ITGA9: variants seen among roughly 807,000 people sequenced by gnomAD.
ITGA9 encodes the protein integrin alpha-9.
A neutral mutation model predicts 127.8 loss-of-function variants in ITGA9; 56 were observed. The observed-to-expected ratio is 0.44, with a 90% CI of 0.35 to 0.55. ITGA9 has a LOEUF of 0.55. ITGA9 is among the 20% of genes least tolerant of loss of function. The probability of loss-of-function intolerance (pLI) is 0.00; values close to 1 mark genes in which losing one functional copy is unlikely to be tolerated. For synonymous variants in ITGA9, 508 were observed against 514.5 expected, an observed-to-expected ratio of 0.99 and a Z score of 0.17; for missense variants, 1,196 against 1,347.1, an observed-to-expected ratio of 0.89 and a Z score of 1.76.
chr3:37,518,123 T>TGTGTGTGTG (rs1553643689), intron 10 of ITGA9, among the ~76,000 whole-genome samples: 4 of 151,846 alleles, frequency 2.6e-5, no homozygotes, highest in Non-Finnish European at 4.4e-5. Flanking sequence ...TGTGTGTGTC[T>TGTGTGTGTG]TGGGAGGCAT....
intron 17 of ITGA9, among the ~76,000 whole-genome samples, chr3:37,664,017 C>T (rs1700561710): frequency 6.6e-6 from 1 of 152,202 alleles, no homozygotes; most frequent in African/African-American, 2.4e-5. Flanking sequence ...TATTCTTATA[C>T]TCTTTTTACT....
intron 16 of ITGA9, among the ~76,000 whole-genome samples, chr3:37,647,453 G>GT (rs58911100): frequency 0.023 from 3,274 of 141,596 alleles, 41 homozygotes; most frequent in African/African-American, 0.031. Flanking sequence ...GCCTAACATA[G>GT]TTTTTTTTTT....
chr3:37,460,587 CTTT>C (rs10711884), intron 1 of ITGA9, among the ~76,000 whole-genome samples: 45 of 110,820 alleles, frequency 4.1e-4, no homozygotes, highest in African/African-American at 1.2e-3. Context: ...GTGCCCAAAT[CTTT>C]TTTTTTTTTT....
At chr3:37,517,406 C>A (rs377163255) in intron 9 of ITGA9, 98 bp from the exon 10 acceptor site, 16 of 909,342 alleles carry the variant, frequency 1.8e-5, no homozygotes, top group East Asian at 1.1e-4. Flanking sequence ...TGTGCTCTAG[C>A]AGGGCAGCAT....
chr3:37,665,225 T>G (rs908312298), intron 17 of ITGA9, among the ~76,000 whole-genome samples: 14 of 152,086 alleles, frequency 9.2e-5, no homozygotes, highest in African/African-American at 3.4e-4. Flanking sequence ...TCCACCCACC[T>G]TGGCCTCCCA....
chr3:37,571,988 T>C (rs1559539633), intron 15 of ITGA9, among the ~76,000 whole-genome samples: 1 of 151,988 alleles, frequency 6.6e-6, no homozygotes. Flanking sequence ...AATTCTGGGC[T>C]AGTGGGGATC....
At chr3:37,609,207 T>A (rs894623343) in intron 15 of ITGA9, among the ~76,000 whole-genome samples, 4 of 152,124 alleles carry the variant, frequency 2.6e-5, no homozygotes, top group Non-Finnish European at 5.9e-5. Flanking sequence ...CTGCTGCCCC[T>A]CACACCTGCC....
At chr3:37,565,857 G>A (rs1023060365) in intron 15 of ITGA9, among the ~76,000 whole-genome samples, 11 of 152,190 alleles carry the variant, frequency 7.2e-5, no homozygotes, top group African/African-American at 2.7e-4. Flanking sequence ...TGACTGGGTT[G>A]GGAGTGACGT....
At chr3:37,528,126 C>G (rs980914330) in intron 13 of ITGA9, among the ~76,000 whole-genome samples, 1 of 152,196 alleles carries the variant, frequency 6.6e-6, no homozygotes, top group Non-Finnish European at 1.5e-5. Flanking sequence ...GCTGAAGGTC[C>G]ATCATATAGA....
At chr3:37,721,114 CTTTT>C (rs35254377) in intron 18 of ITGA9, among the ~76,000 whole-genome samples, 222 of 93,222 alleles carry the variant, frequency 2.4e-3, no homozygotes, top group South Asian at 5.0e-3. Flanking sequence ...CTTTTCTTGC[CTTTT>C]TTTTTTTTTT....
rs1697294152 is a variant in ITGA9, at chr3:37,806,231, GAA to G, written c.3009+2292_3009+2293del. 6.6e-6 allele frequency: 1 copy of G among 152,370 alleles called. No homozygotes were observed. Among genetic ancestry groups the G allele is most frequent in the African/African-American group, 2.4e-5 (1 of 41,578 alleles). The allele number at this position is 152,370 out of a possible 1,614,324, so 9.4% of individuals were successfully genotyped here. On this transcript the variant is annotated intron_variant, in intron 27 of 27. Coordinates refer to ENST00000264741, the MANE Select transcript of ITGA9 (RefSeq NM_002207.3). This position sits in a 1 kb window ranked among gnomAD's most constrained non-coding sequence, Gnocchi z 4.3. ...AAAGCCTGCTCAGTGTTTGGCATCT[GAA>G]AAGACAAGGCTTCTTGCTGAGTTGA...
intron 17 of ITGA9, among the ~76,000 whole-genome samples, chr3:37,671,377 A>G (rs1432790759): frequency 6.6e-6 from 1 of 152,218 alleles, no homozygotes; most frequent in East Asian, 1.9e-4. Flanking sequence ...TGACTGGCTT[A>G]TTTGCCTTGT....
intron 11 of ITGA9, among the ~76,000 whole-genome samples, chr3:37,521,117 C>T (rs1242940154): frequency 6.6e-6 from 1 of 151,704 alleles, no homozygotes; most frequent in Non-Finnish European, 1.5e-5. Flanking sequence ...GTTTTGGGCT[C>T]TTAAGGAAAA....
At chr3:37,671,090 T>C (rs1575187249) in intron 17 of ITGA9, among the ~76,000 whole-genome samples, 1 of 152,396 alleles carries the variant, frequency 6.6e-6, no homozygotes, top group South Asian at 2.1e-4. Context: ...ACACCGGGGC[T>C]GTCTTAGGAC....
intron 4 of ITGA9, among the ~76,000 whole-genome samples, chr3:37,488,205 G>A (rs1181335066): frequency 6.6e-6 from 1 of 152,158 alleles, no homozygotes; most frequent in Non-Finnish European, 1.5e-5. Flanking sequence ...AGGACAACAG[G>A]CCTGAGCCAC....
In ITGA9 at chr3:37,715,434, A is replaced by AGTT. The variant is rs538504396; in HGVS notation, c.2068-17277_2068-17275dup. 2.1e-3 allele frequency among the ~76,000 whole-genome samples: 320 copies of AGTT among 152,322 alleles called. 1 individual carries two copies. Among genetic ancestry groups the AGTT allele is most frequent in the African/African-American group, 7.4e-3 (309 of 41,578 alleles). On this transcript the variant is annotated intron_variant, in intron 18 of 27. Transcript: ENST00000264741. ...CAATTTGAGACATTTTCAGGGTCCCAGTTCCATCCCCTAGGAATCTGTAAA... is the reference window on the plus strand; with the variant it reads ...CAATTTGAGACATTTTCAGGGTCCCAGTTGTTCCATCCCCTAGGAATCTGTAAA...
chr3:37,695,157 C>CTT (rs1700871512), intron 18 of ITGA9, among the ~76,000 whole-genome samples: 1 of 152,142 alleles, frequency 6.6e-6, no homozygotes, highest in African/African-American at 2.4e-5. Flanking sequence ...TTAAGGGCCA[C>CTT]TTAGGGAGGA....
At chr3:37,624,706 A>G (rs1394078440) in intron 15 of ITGA9, among the ~76,000 whole-genome samples, 2 of 152,164 alleles carry the variant, frequency 1.3e-5, no homozygotes, top group Non-Finnish European at 2.9e-5. Flanking sequence ...TCCTGGGTTC[A>G]AGCAATTCTC....
chr3:37,713,750 C>T (rs1335857972), intron 18 of ITGA9, among the ~76,000 whole-genome samples: 2 of 152,214 alleles, frequency 1.3e-5, no homozygotes, highest in African/African-American at 2.4e-5. Context: ...AATGGGCATG[C>T]TGCCTGCCAG....
Sources: gnomAD v4.1 joint callset for allele counts (sites outside exome capture counted in the v4.1 genomes callset) on GRCh38, gnomAD v4.1.1 for gene constraint, Gnocchi (gnomAD v3.1) non-coding constraint, MANE v1.5 for transcripts, NCBI Gene and HGNC (gene_info 2026-07-23, HGNC 2026-07-21) for gene names.